The following FLCN variants were observed in gnomAD, a reference collection of about 807,000 sequenced individuals.
FLCN encodes folliculin.
In FLCN, 22 loss-of-function variants were observed where a neutral mutation model predicts 62.5. That is an observed-to-expected ratio of 0.35 (90% CI 0.25 to 0.50). FLCN has a LOEUF of 0.50. Ranked by LOEUF, FLCN falls within the 20% of genes least tolerant of loss-of-function variation. The pLI is 0.97. For missense variants in FLCN, 657 were observed against 778.0 expected, an observed-to-expected ratio of 0.84 and a Z score of 1.85; for synonymous variants, 319 against 310.0, an observed-to-expected ratio of 1.03 and a Z score of -0.30.
rs1313891453 is a variant in FLCN at position 17,217,158 on chromosome 17, T to A, written c.1087A>T (p.Met363Leu). 4.3e-6 allele frequency: 7 copies of A among 1,613,880 alleles called. No individual in the cohort carries two copies. Among genetic ancestry groups the A allele is most frequent in the Non-Finnish European group, 5.9e-6 (7 of 1,179,996 alleles). The change falls in exon 10 of 14, where the codon ATG (methionine) becomes TTG (leucine). Residue 363 changes from methionine (M) to leucine (L), a missense_variant. Physicochemically the swap from Met to Leu is conservative, Grantham distance 15 (BLOSUM62 2). Coordinates refer to ENST00000285071, the MANE Select transcript of FLCN (RefSeq NM_144997.7). Reference sequence around the variant, plus strand: ...CCCATGAGAACGTGCCAGGCCAGCATGCGGAAAGAAGGGGCACCCAGGACC... The same window carrying A: ...CCCATGAGAACGTGCCAGGCCAGCAAGCGGAAAGAAGGGGCACCCAGGACC... ...RQVLGAPSFRMLAWHVLMGNQ... is the reference protein window; with the variant it reads ...RQVLGAPSFRLLAWHVLMGNQ...
intron 13 of FLCN, among the ~76,000 whole-genome samples, 174 bp downstream of exon 13, chr17:17,214,811 C>A (rs888939068): frequency 3.3e-5 from 5 of 152,092 alleles, no homozygotes; most frequent in African/African-American, 1.2e-4. Flanking sequence ...ACATGATGAC[C>A]GCCTCCCGAG....
At chr17:17,224,311 C>G (rs997562707) in intron 5 of FLCN, 168 bp from the exon 6 acceptor site, 5 of 659,764 alleles carry the variant, frequency 7.6e-6, no homozygotes, top group Non-Finnish European at 1.3e-5. Context: ...CTCTTCTGCT[C>G]CTGTGATCAA....
chr17:17,213,472 G>GA lies in FLCN; in HGVS notation c.*182dup. ...CTTCAGCGATTCCAACGGCTGGAGG[G>GA]AGAGTCTGGGAAGCACACAGGCCCC... On this transcript the variant is annotated 3_prime_UTR_variant, in exon 14 of 14. Transcript: ENST00000285071. 2 of 725,604 alleles carry GA rather than the reference G, an allele frequency of 2.8e-6. No homozygotes were observed. 44.9% of individuals were successfully genotyped at this position (725,604 alleles called of 1,614,324 possible). A position where few individuals can be genotyped will look rare whatever the true frequency, so the allele number is the denominator to read the frequency against.
chr17:17,231,560 C>A (rs2047422545), intron 3 of FLCN: 2 of 152,354 alleles, frequency 1.3e-5, no homozygotes, highest in Admixed American at 6.5e-5. Flanking sequence ...CCCAAAGCCT[C>A]TTCTCTTCTG....
chr17:17,234,744 G>A (rs1597636193), intron 1 of FLCN, among the ~76,000 whole-genome samples: 1 of 151,592 alleles, frequency 6.6e-6, no homozygotes, highest in African/African-American at 2.4e-5. Context: ...TTGGGAGGCC[G>A]AGGCAGGCGG....
intron 13 of FLCN, among the ~76,000 whole-genome samples, chr17:17,214,625 A>C (rs1177639460): frequency 2.0e-5 from 3 of 152,096 alleles, no homozygotes; most frequent in Non-Finnish European, 4.4e-5. Flanking sequence ...ATAAAATAAA[A>C]TAAAAAGCGG....
chr17:17,223,960 G>C lies in FLCN; in HGVS notation c.580C>G (p.Arg194Gly), dbSNP rs138070947. Residue 194 changes from arginine to glycine, a missense_variant, in exon 6 of 14, where the codon CGG becomes GGG. Transcript: ENST00000285071. ...CCCTGGAGCTCATCGATGATTCCCCGGACCTTCCCCAGCAGGAAGGGCCAG... is the reference window on the plus strand; with the variant it reads ...CCCTGGAGCTCATCGATGATTCCCCCGACCTTCCCCAGCAGGAAGGGCCAG... Reference protein sequence around the residue: ...NSWPFLLGKVRGIIDELQGKA... With the variant: ...NSWPFLLGKVGGIIDELQGKA... The C allele has an allele frequency of 6.2e-7, 1 of 1,613,460 alleles. No individual in the cohort carries two copies. Among genetic ancestry groups the C allele is most frequent in the Non-Finnish European group, 8.5e-7 (1 of 1,180,036 alleles).
At chr17:17,226,635 G>A (rs553524002) in intron 4 of FLCN, among the ~76,000 whole-genome samples, 31 of 152,294 alleles carry the variant, frequency 2.0e-4, no homozygotes, top group African/African-American at 7.2e-4. Flanking sequence ...ATGTCAGTGA[G>A]AAGCCCCATT....
At chr17:17,227,170 G>A (rs1283248221) in intron 4 of FLCN, among the ~76,000 whole-genome samples, 3 of 152,182 alleles carry the variant, frequency 2.0e-5, no homozygotes, top group Admixed American at 6.5e-5. Flanking sequence ...TGCAGTGGCA[G>A]GTCCAACACC....
At chr17:17,218,493 C>A (rs2046990248) in intron 9 of FLCN, among the ~76,000 whole-genome samples, 1 of 150,008 alleles carries the variant, frequency 6.7e-6, no homozygotes, top group African/African-American at 2.4e-5. Flanking sequence ...TCAAGCGATT[C>A]TCCTGCCTCA....
rs745859406 is a variant in FLCN at position 17,213,742 on chromosome 17, C to T, written c.1653G>A (p.Lys551=). Residue 551 remains lysine, a synonymous_variant, in exon 14 of 14, where the codon AAG becomes AAA. Coordinates refer to ENST00000285071, the MANE Select transcript of FLCN (RefSeq NM_144997.7). ...ASEEDNVKLL[K]FWMTGLSKTY... is the part of the protein sequence containing the mutation. The stretch of plus-strand genomic sequence containing the variant: ...TCTTGCTCAGGCCAGTCATCCAGAA[C>T]TTCAGCAGCTTGACATTGTCCTCCT... The T allele has an allele frequency of 6.2e-7, 1 of 1,614,244 alleles. No homozygotes were observed. The highest frequency in any genetic ancestry group is 1.1e-5 in the South Asian group (1 of 91,084).
chr17:17,224,725 A>AG (rs1267322655), intron 5 of FLCN: 1 of 164,826 alleles, frequency 6.1e-6, no homozygotes, highest in East Asian at 1.7e-4. Context: ...TTTTTTAGAG[A>AG]GGGGGTTTCA....
Position 17,221,571 on chromosome 17 carries a change from G to A in FLCN, c.837C>T (p.Thr279=), listed in dbSNP as rs751877389. ...TCTCCATCTGGACCAAGGTATCCTC[G>A]GTCGGAGCACCTTCCAGGAGCTTCT... ...LTEKLLEGAP[T]EDTLVQMEKL... Residue 279 remains threonine, a synonymous_variant, in exon 8 of 14, where the codon ACC becomes ACT. Coordinates refer to ENST00000285071, the MANE Select transcript of FLCN (RefSeq NM_144997.7). 6.2e-6 allele frequency: 10 copies of A among 1,612,084 alleles called. No homozygotes were observed. The highest frequency in any genetic ancestry group is 3.3e-5 in the Admixed American group (2 of 60,026).
At chr17:17,219,766 G>A (rs2047037175) in intron 8 of FLCN, 1 of 157,254 alleles carries the variant, frequency 6.4e-6, no homozygotes, top group Admixed American at 6.3e-5. Context: ...TAGAGACGGG[G>A]TTTCACCGTT....
intron 1 of FLCN, among the ~76,000 whole-genome samples, chr17:17,233,716 CTTTTTT>C (rs34208211): frequency 2.5e-4 from 16 of 63,930 alleles, no homozygotes; most frequent in African/African-American, 6.2e-4. Flanking sequence ...CCCATCTTTC[CTTTTTT>C]TTTTTTTTTT....
Position 17,213,852 on chromosome 17 carries a change from C to T in FLCN, c.1543G>A (p.Val515Met), listed in dbSNP as rs1415483886. 1 of 1,613,968 alleles carries T rather than the reference C, an allele frequency of 6.2e-7. No individual in the cohort carries two copies. Among genetic ancestry groups the T allele is most frequent in the Non-Finnish European group, 8.5e-7 (1 of 1,179,952 alleles). ...VCLKEEWMNKVKVLFKFTKVD... is the reference protein window; with the variant it reads ...VCLKEEWMNKMKVLFKFTKVD... ...TTGGTGAACTTAAAAAGCACCTTCA[C>T]TTTGCTGAAGAAAACCAAAACAAAA... The change falls in exon 14 of 14, where the codon GTG becomes ATG. Residue 515 changes from valine (V) to methionine (M), a missense_variant. By Grantham distance (21) the Val-to-Met change is conservative (BLOSUM62 1). Coordinates refer to ENST00000285071, the MANE Select transcript of FLCN (RefSeq NM_144997.7).
Position 17,216,126 on chromosome 17 carries a change from C to T in FLCN, c.1300+254G>A, listed in dbSNP as rs1207085647. ...GACCAGGATCCTCCGGCCAGGGACA[C>T]ATCCTCCCACCCCACGATGGTGACC... On this transcript the variant is annotated intron_variant, in intron 11 of 13. Transcript: ENST00000285071. This position sits in a 1 kb window ranked among gnomAD's most constrained non-coding sequence, Gnocchi z 4.0. Among the ~76,000 whole-genome samples, 2 of 152,202 alleles carry T rather than the reference C, an allele frequency of 1.3e-5. No homozygotes were observed. Among genetic ancestry groups the T allele is most frequent in the South Asian group, 2.1e-4 (1 of 4,832 alleles).
intron 6 of FLCN, 188 bp from the exon 7 acceptor site, chr17:17,222,849 A>G: frequency 2.9e-6 from 2 of 688,600 alleles, no homozygotes; most frequent in Non-Finnish European, 2.6e-6. Flanking sequence ...CCCCGGCTAC[A>G]TCAGGAGCTA....
intron 4 of FLCN, among the ~76,000 whole-genome samples, chr17:17,226,918 C>T (rs1042413026): frequency 1.3e-5 from 2 of 152,150 alleles, no homozygotes; most frequent in African/African-American, 4.8e-5. Flanking sequence ...GCTGCTCCTA[C>T]CCCAGGACTG....
Sources: allele counts gnomAD v4.1 joint callset (sites outside exome capture counted in the v4.1 genomes callset), GRCh38; gene constraint gnomAD v4.1.1; non-coding constraint Gnocchi (gnomAD v3.1); transcripts MANE v1.5; gene names NCBI Gene and HGNC (gene_info 2026-07-23, HGNC 2026-07-21).